SDC3: variants seen among roughly 807,000 people sequenced by gnomAD.
SDC3 encodes syndecan-3.
Under a neutral mutation model 24.4 loss-of-function variants are expected in SDC3, and 13 were observed. The ratio of observed to expected loss-of-function variants is 0.53; its 90% CI spans 0.35 to 0.85. The LOEUF (loss-of-function observed/expected upper bound fraction) is 0.85, where lower values mean the gene tolerates loss of function less well. SDC3 is among the 40% of genes least tolerant of loss of function. SDC3 has a pLI of 0.01. For missense variants in SDC3, 571 were observed against 584.5 expected (o/e 0.98, Z 0.24); for synonymous variants, 295 against 260.9 (o/e 1.13, Z -1.26).
At position 30,870,315 on chromosome 1, in the gene SDC3, C is replaced by T. The variant is rs532421237; in HGVS notation, c.*2896G>A. 1 of 166,362 alleles carries T rather than the reference C, an allele frequency of 6.0e-6. No homozygotes were observed. The highest frequency in any genetic ancestry group is 1.3e-5 in the Non-Finnish European group (1 of 77,804). 10.3% of individuals were successfully genotyped at this position (166,362 alleles called of 1,614,324 possible). ...TGGCCTCCTGGAGACAGGGTCTGGG[C>T]TCTCCAGGTCCTGGCCTGCCTCGTG... On this transcript the variant is annotated 3_prime_UTR_variant, in exon 5 of 5. Coordinates refer to ENST00000339394, the MANE Select transcript of SDC3 (RefSeq NM_014654.4).
rs11338317 is a variant in SDC3 at position 30,869,536 on chromosome 1, C to CAAAAAAAAAAAAAAA, written c.*3660_*3674dup. ...AGGAAGTGTTAAAAAAACAAACAAA[C>CAAAAAAAAAAAAAAA]AAAAAAAAAAAAAAAAAAAAAAAAA... is the stretch of plus-strand genomic sequence containing the variant. On this transcript the variant is annotated 3_prime_UTR_variant, in exon 5 of 5. Coordinates refer to ENST00000339394, the MANE Select transcript of SDC3 (RefSeq NM_014654.4). The CAAAAAAAAAAAAAAA allele has an allele frequency of 1.5e-4, 51 of 348,100 alleles. No individual in the cohort carries two copies. Among genetic ancestry groups the CAAAAAAAAAAAAAAA allele is most frequent in the Non-Finnish European group, 1.8e-4 (37 of 203,782 alleles). The allele number at this position is 348,100 out of a possible 1,614,324, so 21.6% of individuals were successfully genotyped here.
Position 30,876,598 on chromosome 1 carries a change from G to A in SDC3, c.824C>T (p.Thr275Ile), listed in dbSNP as rs182437869. 2 of 1,543,214 alleles carry A rather than the reference G, an allele frequency of 1.3e-6. No homozygotes were observed. Among genetic ancestry groups the A allele is most frequent in the East Asian group, 4.5e-5 (2 of 44,252 alleles). ...AGGGGCAGTGGTCCCCAGGGGCAGG[G>A]TGCTCCTCTCAGGGATGTCAGGCTC... Reference protein sequence around the residue: ...TQEPDIPERSTLPLGTTAPGP... With the variant: ...TQEPDIPERSILPLGTTAPGP... The change falls in exon 3 of 5, where the codon ACC (threonine) becomes ATC (isoleucine). Residue 275 changes from threonine (T) to isoleucine (I), a missense_variant. By Grantham distance (89) the Thr-to-Ile change is moderately conservative. Transcript: ENST00000339394.
intron 1 of SDC3, among the ~76,000 whole-genome samples, chr1:30,899,438 G>A (rs1458937536): frequency 3.9e-5 from 6 of 151,928 alleles, no homozygotes; most frequent in African/African-American, 7.3e-5. Flanking sequence ...GCAGTGATGC[G>A]ATCTCGGCTC....
In SDC3 at chr1:30,874,522, G is replaced by A. The variant is rs1203097019; in HGVS notation, c.937C>T (p.Pro313Ser). 1 of 1,614,090 alleles carries A rather than the reference G, an allele frequency of 6.2e-7. No individual in the cohort carries two copies. Among genetic ancestry groups the A allele is most frequent in the Non-Finnish European group, 8.5e-7 (1 of 1,179,994 alleles). The change falls in exon 4 of 5, where the codon CCC becomes TCC. Residue 313 changes from proline (P) to serine (S), a missense_variant. Pro to Ser is a moderately conservative substitution (Grantham distance 74, BLOSUM62 -1). Around this residue, in one of 2 missense-constraint regions of SDC3, gnomAD observed 497 missense variants for 471.6 expected, o/e 1.05. Coordinates refer to ENST00000339394, the MANE Select transcript of SDC3 (RefSeq NM_014654.4). ...TCTGGCAGCTCGAAGTCTCCACTGG[G>A]CCCCCCACTCACCGGAACCTCTGGC... is the stretch of plus-strand genomic sequence containing the variant. ...DEPEVPVSGG[P>S]SGDFELPEEE...
chr1:30,898,524 C>A (rs1638333714), intron 1 of SDC3, among the ~76,000 whole-genome samples: 1 of 152,178 alleles, frequency 6.6e-6, no homozygotes, highest in African/African-American at 2.4e-5. Context: ...ACTCCCTGCC[C>A]AGCCCCCAGC....
At chr1:30,875,767 G>A (rs1639626763) in intron 3 of SDC3, among the ~76,000 whole-genome samples, 1 of 152,208 alleles carries the variant, frequency 6.6e-6, no homozygotes, top group Non-Finnish European at 1.5e-5. Context: ...GGCACCAACT[G>A]CCTGGGTTCA....
intron 1 of SDC3, among the ~76,000 whole-genome samples, chr1:30,895,082 C>G (rs947650): frequency 0.78 from 118,690 of 152,084 alleles, 47,231 homozygotes; most frequent in African/African-American, 0.93. Context: ...CACAGTGTTG[C>G]GGGTAAGCCC....
intron 1 of SDC3, among the ~76,000 whole-genome samples, chr1:30,898,283 C>T (rs1246475974): frequency 6.6e-6 from 1 of 152,162 alleles, no homozygotes; most frequent in Non-Finnish European, 1.5e-5. Context: ...CCTAGTCCCC[C>T]TATCAATGTG....
At chr1:30,880,346 A>T (rs1017192722) in intron 1 of SDC3, among the ~76,000 whole-genome samples, 1 of 85,224 alleles carries the variant, frequency 1.2e-5, no homozygotes. Context: ...GGACTGAGGG[A>T]GGCCAGGGGG....
chr1:30,901,176 G>A (rs896505897), intron 1 of SDC3, among the ~76,000 whole-genome samples: 18 of 152,300 alleles, frequency 1.2e-4, no homozygotes, highest in African/African-American at 3.9e-4. Flanking sequence ...CCTCAAGAGT[G>A]GTGGGAGGCT....
chr1:30,900,841 G>C (rs1296481305), intron 1 of SDC3, among the ~76,000 whole-genome samples: 1 of 152,072 alleles, frequency 6.6e-6, no homozygotes. Flanking sequence ...GGGGGTCCTA[G>C]CTGGCAGTGC....
At chr1:30,909,005 C>T (rs1474314058), upstream of SDC3, among the ~76,000 whole-genome samples, 2 of 151,918 alleles carry the variant, frequency 1.3e-5, no homozygotes, top group East Asian at 3.9e-4. Flanking sequence ...GTCGCGGAGC[C>T]CGCCGGACGC....
intron 1 of SDC3, among the ~76,000 whole-genome samples, chr1:30,908,209 G>A (rs1638567294): frequency 6.6e-6 from 1 of 151,536 alleles, no homozygotes; most frequent in African/African-American, 2.4e-5. Flanking sequence ...GATGACCAGC[G>A]GCGGGGGCGG....
At chr1:30,897,078 G>C (rs1638278058) in intron 1 of SDC3, among the ~76,000 whole-genome samples, 1 of 152,194 alleles carries the variant, frequency 6.6e-6, no homozygotes, top group Non-Finnish European at 1.5e-5. Flanking sequence ...TGGGCAGCTG[G>C]GGTGGTCAAG....
At chr1:30,892,702 T>C (rs868417364) in intron 1 of SDC3, among the ~76,000 whole-genome samples, 1 of 152,202 alleles carries the variant, frequency 6.6e-6, no homozygotes, top group Admixed American at 6.5e-5. Context: ...AGTAGCAGCC[T>C]GTGAGCAGAG....
At chr1:30,883,700 CA>C (rs1459476596) in intron 1 of SDC3, among the ~76,000 whole-genome samples, 6 of 152,104 alleles carry the variant, frequency 3.9e-5, no homozygotes, top group African/African-American at 1.4e-4. Context: ...TCACTGAGTT[CA>C]ACTCTCCCCT....
At chr1:30,902,249 C>T (rs1393612092) in intron 1 of SDC3, among the ~76,000 whole-genome samples, 2 of 152,220 alleles carry the variant, frequency 1.3e-5, no homozygotes, top group Admixed American at 6.5e-5. Context: ...TTTGTTGGGG[C>T]CACCGCCACC....
At chr1:30,899,009 G>A (rs1168750950) in intron 1 of SDC3, among the ~76,000 whole-genome samples, 1 of 152,178 alleles carries the variant, frequency 6.6e-6, no homozygotes, top group Non-Finnish European at 1.5e-5. Flanking sequence ...AACGGGTCAG[G>A]GATCACTGGA....
At position 30,873,259 on chromosome 1, in the gene SDC3, C is replaced by T. The variant is rs748842401; in HGVS notation, c.1281G>A (p.Ala427=). 15 of 1,613,684 alleles carry T rather than the reference C, an allele frequency of 9.3e-6. No homozygotes were observed. Among genetic ancestry groups the T allele is most frequent in the Admixed American group, 6.7e-5 (4 of 60,022 alleles). ...TGTCAGGCTTCTGGTATGTGACGCTCGCCTGCTTGGGTTCCTCCAGCGTGT... is the reference window on the plus strand; with the variant it reads ...TGTCAGGCTTCTGGTATGTGACGCTTGCCTGCTTGGGTTCCTCCAGCGTGT... ...GSYTLEEPKQ[A]SVTYQKPDKQ... Residue 427 remains alanine (A), a synonymous_variant, in exon 5 of 5, where the codon GCG becomes GCA. Coordinates refer to ENST00000339394, the MANE Select transcript of SDC3 (RefSeq NM_014654.4).
Sources: gnomAD v4.1 joint callset for allele counts (sites outside exome capture counted in the v4.1 genomes callset) on GRCh38, gnomAD v4.1.1 for gene constraint, gnomAD v4.1.1 regional missense constraint, MANE v1.5 for transcripts, NCBI Gene and HGNC (gene_info 2026-07-23, HGNC 2026-07-21) for gene names.